FBLN1: variants seen among roughly 807,000 people sequenced by gnomAD.
FBLN1 encodes the protein fibulin-1.
FBLN1 carries 34 observed loss-of-function variants against 89.7 expected under a neutral mutation model. That is an observed-to-expected ratio of 0.38 (90% CI 0.29 to 0.50). The LOEUF (loss-of-function observed/expected upper bound fraction) is 0.50, where lower values mean the gene tolerates loss of function less well. Ranked by LOEUF, FBLN1 falls within the 20% of genes least tolerant of loss-of-function variation. The pLI, the probability that FBLN1 is intolerant of heterozygous loss-of-function variation, is 0.92. For synonymous variants in FBLN1, 393 were observed against 391.3 expected (o/e 1.00, Z -0.05); for missense variants, 777 against 988.1 (o/e 0.79, Z 2.86).
In FBLN1 at chr22:45,530,143, G is replaced by A. The variant is rs879917077; in HGVS notation, c.485-1122G>A. Among the ~76,000 whole-genome samples the A allele has an allele frequency of 2.0e-5, 3 of 152,110 alleles. No individual in the cohort carries two copies. The highest frequency in any genetic ancestry group is 4.4e-5 in the Non-Finnish European group (3 of 68,016). On this transcript the variant is annotated intron_variant, in intron 4 of 16. Coordinates refer to ENST00000327858, the MANE Select transcript of FBLN1 (RefSeq NM_006486.3). The surrounding 1 kb of genome is among the most constrained non-coding windows in gnomAD (Gnocchi z 5.4). ...CACTGAGATGATTTCAGATGTTACA[G>A]TCATCAAGAGGGATTGGGGCCGCAT...
chr22:45,574,645 G>T lies in FBLN1; in HGVS notation c.1832G>T (p.Arg611Leu), dbSNP rs771580675. The T allele has an allele frequency of 6.2e-7, 1 of 1,613,520 alleles. No individual in the cohort carries two copies. The highest frequency in any genetic ancestry group is 1.3e-5 in the African/African-American group (1 of 75,032). ...CTGCCTACCTTCCGCGAGTTCACCC[G>T]CCCTGAAGGTGAGTGGGATGGGTGT... is the stretch of plus-strand genomic sequence containing the variant. ...ISLPTFREFT[R>L]PEEIIFLRAI... Residue 611 changes from arginine to leucine, a missense_variant, in exon 15 of 17, where the codon CGC becomes CTC. By Grantham distance (102) the Arg-to-Leu change is moderately radical. Coordinates refer to ENST00000327858, the MANE Select transcript of FBLN1 (RefSeq NM_006486.3). The surrounding 1 kb of genome is among the most constrained non-coding windows in gnomAD (Gnocchi z 4.1).
rs972209182 is a variant in FBLN1 at position 45,537,828 on chromosome 22, G to T, written c.922+2491G>T. 2.0e-5 allele frequency among the ~76,000 whole-genome samples: 3 copies of T among 152,178 alleles called. No homozygotes were observed. The highest frequency in any genetic ancestry group is 2.9e-5 in the Non-Finnish European group (2 of 68,020). Reference sequence around the variant, plus strand: ...GAGGGGTGGTTTTCGCTCAGCGCAGGGGGTGGTGAGCAGGGAAGCCATGGG... The same window carrying T: ...GAGGGGTGGTTTTCGCTCAGCGCAGTGGGTGGTGAGCAGGGAAGCCATGGG... On this transcript the variant is annotated intron_variant, in intron 8 of 16. Coordinates refer to ENST00000327858, the MANE Select transcript of FBLN1 (RefSeq NM_006486.3). This position sits in a 1 kb window ranked among gnomAD's most constrained non-coding sequence, Gnocchi z 5.7.
rs1245848818 is a variant in FBLN1 at position 45,600,622 on chromosome 22, G to T, written c.*176G>T. On this transcript the variant is annotated 3_prime_UTR_variant, in exon 17 of 17. Coordinates refer to ENST00000327858, the MANE Select transcript of FBLN1 (RefSeq NM_006486.3). Reference sequence around the variant, plus strand: ...TAAGTCCATCTGATGTATTTTCGGTGTTTAAAAAATGAGCCCAGTTGCTCA... The same window carrying T: ...TAAGTCCATCTGATGTATTTTCGGTTTTTAAAAAATGAGCCCAGTTGCTCA... 1.0e-5 allele frequency: 8 copies of T among 777,050 alleles called. No homozygotes were observed. In the East Asian group the frequency reaches 2.1e-4, roughly 20 times the overall value. 48.1% of individuals were successfully genotyped at this position (777,050 alleles called of 1,614,324 possible).
At chr22:45,554,601 C>A (rs1446711162) in intron 14 of FBLN1, among the ~76,000 whole-genome samples, 3 of 152,240 alleles carry the variant, frequency 2.0e-5, no homozygotes, top group Admixed American at 2.0e-4. Context: ...ATAAATGCCT[C>A]AAGCAAGTCC....
chr22:45,586,021 G>A (rs1333498743), intron 16 of FBLN1, among the ~76,000 whole-genome samples: 1 of 92,974 alleles, frequency 1.1e-5, no homozygotes. Flanking sequence ...CCCTCAGAAG[G>A]CTTGGTAGCA....
chr22:45,587,561 T>C (rs1483939568), intron 16 of FBLN1, among the ~76,000 whole-genome samples: 1 of 152,188 alleles, frequency 6.6e-6, no homozygotes, highest in Non-Finnish European at 1.5e-5. Flanking sequence ...CTGCTGTATC[T>C]CTTAGAGTGG....
At chr22:45,596,797 A>T (rs1470744023) in intron 16 of FBLN1, among the ~76,000 whole-genome samples, 3 of 126,338 alleles carry the variant, frequency 2.4e-5, no homozygotes, top group Admixed American at 1.5e-4. Flanking sequence ...TTACATATAA[A>T]TACACTTATG....
intron 1 of FBLN1, among the ~76,000 whole-genome samples, chr22:45,507,234 G>A (rs958916525): frequency 2.6e-5 from 4 of 152,206 alleles, no homozygotes; most frequent in African/African-American, 9.6e-5. Context: ...TGGGGTGGGA[G>A]GGAGCGAGGC....
intron 16 of FBLN1, among the ~76,000 whole-genome samples, chr22:45,592,137 G>C (rs139603910): frequency 2.0e-5 from 3 of 152,086 alleles, no homozygotes; most frequent in Non-Finnish European, 4.4e-5. Flanking sequence ...TACTAGTAGC[G>C]CCTCATTTTT....
At chr22:45,518,147 A>G (rs553783189) in intron 1 of FBLN1, among the ~76,000 whole-genome samples, 2 of 152,050 alleles carry the variant, frequency 1.3e-5, no homozygotes, top group South Asian at 2.1e-4. Context: ...AAAAAAGAAA[A>G]AAAAAGAAAA....
chr22:45,548,542 C>T (rs765190908), intron 12 of FBLN1, 71 bp from the exon 13 acceptor site: 15 of 1,602,734 alleles, frequency 9.4e-6, no homozygotes, highest in Admixed American at 6.7e-5. Context: ...GCCCCCAGGG[C>T]GATGTAGCAT....
In FBLN1 at chr22:45,550,398, C is replaced by G; in HGVS notation, c.1574-94C>G. On this transcript the variant is annotated intron_variant, in intron 13 of 16. Coordinates refer to ENST00000327858, the MANE Select transcript of FBLN1 (RefSeq NM_006486.3). The surrounding 1 kb of genome is among the most constrained non-coding windows in gnomAD (Gnocchi z 8.4). ...GGATGGCCTGATCGCCACCCCTAAC[C>G]CTAGTTGATGGGAGGCCTGGGCTCC... 6.3e-7 allele frequency: 1 copy of G among 1,589,458 alleles called. No homozygotes were observed. Among genetic ancestry groups the G allele is most frequent in the Non-Finnish European group, 8.6e-7 (1 of 1,162,012 alleles).
rs140716354 is a variant in FBLN1, at chr22:45,530,197, A to G, written c.485-1068A>G. Among the ~76,000 whole-genome samples the G allele has an allele frequency of 7.4e-4, 113 of 152,112 alleles. No individual in the cohort carries two copies. In the Middle Eastern group the frequency reaches 0.02, roughly 27 times the overall value. On this transcript the variant is annotated intron_variant, in intron 4 of 16. Transcript: ENST00000327858. This position sits in a 1 kb window ranked among gnomAD's most constrained non-coding sequence, Gnocchi z 5.4. The stretch of plus-strand genomic sequence containing the variant: ...GCCTCATTCCTTGGCTTTTGAAATC[A>G]GAGACGACATTTTCACTTTAAACAA...
In FBLN1 at chr22:45,565,716, CAATG is replaced by C. The variant is rs911668159; in HGVS notation, c.1698-8794_1698-8791del. ...CAGGTTGATGGATGGATGGACAGAC[CAATG>C]GATGGATGGATGGATGGATGGATAG... is the stretch of plus-strand genomic sequence containing the variant. On this transcript the variant is annotated intron_variant, in intron 14 of 16. Transcript: ENST00000327858. 45 of 118,506 alleles carry C rather than the reference CAATG, an allele frequency of 3.8e-4. 1 individual carries two copies. In the South Asian group the frequency reaches 6.8e-3, roughly 18 times the overall value. The allele number at this position is 118,506 out of a possible 1,614,324, so 7.3% of individuals were successfully genotyped here. A position where few individuals can be genotyped will look rare whatever the true frequency, so the allele number is the denominator to read the frequency against.
At position 45,536,830 on chromosome 22, in the gene FBLN1, A is replaced by G. The variant is rs1430162270; in HGVS notation, c.922+1493A>G. ...TACTAATATGAAAAGAGAGAATCCCATGTGAACTTAGTATGAATTTAGGAG... is the reference window on the plus strand; with the variant it reads ...TACTAATATGAAAAGAGAGAATCCCGTGTGAACTTAGTATGAATTTAGGAG... On this transcript the variant is annotated intron_variant, in intron 8 of 16. Transcript: ENST00000327858. The surrounding 1 kb of genome is among the most constrained non-coding windows in gnomAD (Gnocchi z 5.1). Among the ~76,000 whole-genome samples the G allele has an allele frequency of 6.6e-6, 1 of 152,114 alleles. No homozygotes were observed. Among genetic ancestry groups the G allele is most frequent in the East Asian group, 1.9e-4 (1 of 5,184 alleles).
chr22:45,529,095 G>A (rs536605425), intron 4 of FBLN1, among the ~76,000 whole-genome samples: 43 of 152,338 alleles, frequency 2.8e-4, no homozygotes, highest in African/African-American at 9.1e-4. Flanking sequence ...CAGCATGGGT[G>A]GCTGGCCTTG....
intron 7 of FBLN1, 40 bp downstream of exon 7, chr22:45,533,938 G>C (rs2088446195): frequency 1.9e-6 from 3 of 1,612,506 alleles, no homozygotes; most frequent in African/African-American, 2.7e-5. Context: ...TGGTCTTCCA[G>C]GCGTAGATAC....
At chr22:45,565,285 G>C in intron 14 of FBLN1, 1 of 1,310,448 alleles carries the variant, frequency 7.6e-7, no homozygotes, top group South Asian at 1.3e-5. Context: ...TCCTTGGAAT[G>C]GCATGGGAGG....
intron 11 of FBLN1, among the ~76,000 whole-genome samples, chr22:45,544,926 A>G (rs1250807381): frequency 6.6e-6 from 1 of 152,206 alleles, no homozygotes; most frequent in Non-Finnish European, 1.5e-5. Context: ...CTGAGCAGAC[A>G]CTGAGAGCTT....
Sources: gnomAD v4.1 joint callset for allele counts (sites outside exome capture counted in the v4.1 genomes callset) on GRCh38, gnomAD v4.1.1 for gene constraint, Gnocchi (gnomAD v3.1) non-coding constraint, MANE v1.5 for transcripts, NCBI Gene and HGNC (gene_info 2026-07-23, HGNC 2026-07-21) for gene names.